PCDHGA12: variants seen among roughly 807,000 people sequenced by gnomAD.
PCDHGA12 encodes the protein protocadherin gamma subfamily A, 12.
A neutral mutation model predicts 61.1 loss-of-function variants in PCDHGA12; 43 were observed. That is an observed-to-expected ratio of 0.70 (90% confidence interval 0.55 to 0.91). PCDHGA12 has a LOEUF of 0.91. Among genes scored for constraint, PCDHGA12 ranks in the 40% least tolerant of loss-of-function variants. PCDHGA12 has a pLI of 0.00. For synonymous variants in PCDHGA12, 520 were observed against 542.9 expected (o/e 0.96, Z 0.59); for missense variants, 1,236 against 1,227.7 (o/e 1.01, Z -0.10).
At chr5:141,475,996 G>T (rs2099383729) in intron 1 of PCDHGA12, 4 of 1,181,402 alleles carry the variant, frequency 3.4e-6, no homozygotes, top group Non-Finnish European at 3.5e-6. Flanking sequence ...GCAAATCAAC[G>T]GCATCCAGAA....
At chr5:141,475,543 G>A (rs1161883598) in intron 1 of PCDHGA12, among the ~76,000 whole-genome samples, 1 of 152,196 alleles carries the variant, frequency 6.6e-6, no homozygotes, top group African/African-American at 2.4e-5. Flanking sequence ...TACAAGTAGG[G>A]TCCGGCTAAT....
chr5:141,474,961 AATC>A (rs2099357151), intron 1 of PCDHGA12, among the ~76,000 whole-genome samples: 1 of 152,254 alleles, frequency 6.6e-6, no homozygotes, highest in African/African-American at 2.4e-5. Flanking sequence ...TCACTATCCT[AATC>A]ATTATAATTT....
chr5:141,466,933 C>A (rs1305734739), intron 1 of PCDHGA12, among the ~76,000 whole-genome samples: 1 of 152,100 alleles, frequency 6.6e-6, no homozygotes, highest in Non-Finnish European at 1.5e-5. Context: ...GAATATTAGT[C>A]CTTTGTCCAG....
intron 1 of PCDHGA12, among the ~76,000 whole-genome samples, chr5:141,435,500 A>G (rs896915416): frequency 6.6e-6 from 1 of 152,176 alleles, no homozygotes; most frequent in African/African-American, 2.4e-5. Context: ...TCCTACACTA[A>G]TGATACTAAT....
chr5:141,460,511 A>G (rs533913282), intron 1 of PCDHGA12, among the ~76,000 whole-genome samples: 2 of 152,286 alleles, frequency 1.3e-5, no homozygotes, highest in Admixed American at 1.3e-4. Context: ...TGAGAAGGCT[A>G]TCTTTTCCCC....
rs1246198657 is a variant in PCDHGA12 at position 141,505,401 on chromosome 5, A to T, written c.2492A>T (p.Asn831Ile). The change falls in exon 3 of 4, where the codon AAT (asparagine) becomes ATT (isoleucine). Residue 831 changes from asparagine (N) to isoleucine (I), a missense_variant. By Grantham distance (149) the Asn-to-Ile change is moderately radical (BLOSUM62 -3). Transcript: ENST00000252085. Reference protein sequence around the residue: ...AQRPGTSGSQNGDDTGTWPNN... With the variant: ...AQRPGTSGSQIGDDTGTWPNN... ...TCCTACTCTCTCCCCAGCTCCCAAA[A>T]TGGCGATGACACCGGCACCTGGCCC... is the stretch of plus-strand genomic sequence containing the variant. The T allele has an allele frequency of 6.2e-7, 1 of 1,614,058 alleles. No individual in the cohort carries two copies. Among genetic ancestry groups the T allele is most frequent in the African/African-American group, 1.3e-5 (1 of 74,922 alleles).
At position 141,494,824 on chromosome 5, in the gene PCDHGA12, G is replaced by C; in HGVS notation, c.2442G>C (p.Thr814=). 6.2e-7 allele frequency: 1 copy of C among 1,614,042 alleles called. No individual in the cohort carries two copies. Among genetic ancestry groups the C allele is most frequent in the East Asian group, 2.2e-5 (1 of 44,866 alleles). The change falls in exon 2 of 4, where the codon ACG becomes ACC. Residue 814 remains threonine, a synonymous_variant. Transcript: ENST00000252085. The part of the protein sequence containing the change: ...HGLIEQAPPN[T]DWRFSQAQRP... ...CTCCACAGCAAGCCCCGCCCAACAC[G>C]GACTGGCGTTTCTCTCAGGCCCAGA...
At position 141,489,562 on chromosome 5, in the gene PCDHGA12, G is replaced by A. The variant is rs770734883; in HGVS notation, c.2425-5245G>A. ...CACCAGCTGCCTGCTGCCAGTGCAG[G>A]TGGTGACTGAACACCCCCTGGAGCT... On this transcript the variant is annotated intron_variant, in intron 1 of 3. Coordinates refer to ENST00000252085, the MANE Select transcript of PCDHGA12 (RefSeq NM_003735.3). The surrounding 1 kb of genome is among the most constrained non-coding windows in gnomAD (Gnocchi z 4.5). 2 of 1,614,114 alleles carry A rather than the reference G, an allele frequency of 1.2e-6. No homozygotes were observed. Among genetic ancestry groups the A allele is most frequent in the Non-Finnish European group, 1.7e-6 (2 of 1,180,028 alleles).
At chr5:141,456,504 T>G (rs781368588) in intron 1 of PCDHGA12, among the ~76,000 whole-genome samples, 1 of 152,148 alleles carries the variant, frequency 6.6e-6, no homozygotes, top group Non-Finnish European at 1.5e-5. Context: ...GGTTAACCAA[T>G]TCCATAAAGA....
Position 141,486,320 on chromosome 5 carries a change from G to A in PCDHGA12, c.2425-8487G>A, listed in dbSNP as rs764851576. The stretch of plus-strand genomic sequence containing the variant: ...GCAGGATCCAGACTCAGGGTCAAAC[G>A]GAGATGTGAGCCTCCGCATTCCTGA... On this transcript the variant is annotated intron_variant, in intron 1 of 3. Coordinates refer to ENST00000252085, the MANE Select transcript of PCDHGA12 (RefSeq NM_003735.3). This position sits in a 1 kb window ranked among gnomAD's most constrained non-coding sequence, Gnocchi z 5.0. The A allele has an allele frequency of 6.2e-7, 1 of 1,614,010 alleles. No individual in the cohort carries two copies. Among genetic ancestry groups the A allele is most frequent in the South Asian group, 1.1e-5 (1 of 91,060 alleles).
chr5:141,447,181 G>T (rs442221), intron 1 of PCDHGA12, among the ~76,000 whole-genome samples: 1 of 152,338 alleles, frequency 6.6e-6, no homozygotes, highest in Admixed American at 6.5e-5. Context: ...CTCTTGTCGC[G>T]CAGGCTGGAG....
chr5:141,438,682 A>G (rs1282726848), intron 1 of PCDHGA12, among the ~76,000 whole-genome samples: 13 of 140,730 alleles, frequency 9.2e-5, no homozygotes, highest in Admixed American at 6.6e-4. Flanking sequence ...GGAGTAGGGG[A>G]TGGAGTCTTG....
chr5:141,461,088 G>A (rs2099008870), intron 1 of PCDHGA12, among the ~76,000 whole-genome samples: 1 of 151,800 alleles, frequency 6.6e-6, no homozygotes, highest in Non-Finnish European at 1.5e-5. Context: ...GAATTGTGCT[G>A]CTATAAACAT....
At chr5:141,498,954 A>G (rs1180380627) in intron 2 of PCDHGA12, among the ~76,000 whole-genome samples, 2 of 134,538 alleles carry the variant, frequency 1.5e-5, no homozygotes, top group Non-Finnish European at 3.2e-5. Context: ...AGAAAAAGAG[A>G]GAGAGGGAGG....
intron 1 of PCDHGA12, among the ~76,000 whole-genome samples, chr5:141,438,788 A>G (rs1024095720): frequency 3.3e-5 from 5 of 149,742 alleles, no homozygotes; most frequent in Non-Finnish European, 7.4e-5. Flanking sequence ...CAGCCTCTCC[A>G]GTAGCTGGGA....
rs757755103 is a variant in PCDHGA12 at position 141,432,638 on chromosome 5, C to A, written c.1879C>A (p.Arg627Ser). The change falls in exon 1 of 4, where the codon CGC becomes AGC. Residue 627 changes from arginine (R) to serine (S), a missense_variant. Arg to Ser is a moderately radical substitution (Grantham distance 110). Coordinates refer to ENST00000252085, the MANE Select transcript of PCDHGA12 (RefSeq NM_003735.3). The surrounding 1 kb of genome is among the most constrained non-coding windows in gnomAD (Gnocchi z 6.0). ...FSVGLHTGEV[R>S]TARALLDRDA... ...GGTGGGTCTGCACACGGGCGAGGTG[C>A]GCACGGCGCGAGCCCTGCTGGACAG... The A allele has an allele frequency of 6.2e-6, 10 of 1,613,810 alleles. No homozygotes were observed. Among genetic ancestry groups the A allele is most frequent in the African/African-American group, 1.3e-5 (1 of 75,064 alleles).
intron 2 of PCDHGA12, among the ~76,000 whole-genome samples, chr5:141,495,645 C>T (rs2099762719): frequency 6.6e-6 from 1 of 152,208 alleles, no homozygotes; most frequent in South Asian, 2.1e-4. Context: ...CATTTGTCTA[C>T]TTGCATTGAT....
At chr5:141,461,251 A>G (rs925406409) in intron 1 of PCDHGA12, among the ~76,000 whole-genome samples, 1 of 152,156 alleles carries the variant, frequency 6.6e-6, no homozygotes, top group Non-Finnish European at 1.5e-5. Flanking sequence ...TTATATTCCC[A>G]GCAGCAATGT....
rs761704779 is a variant in PCDHGA12 at position 141,486,764 on chromosome 5, C to T, written c.2425-8043C>T. ...CTTTGACTATGAGCAAACCCAGACA[C>T]TGCAGTTTGAGGTGCAGGCCCGGGA... On this transcript the variant is annotated intron_variant, in intron 1 of 3. Transcript: ENST00000252085. This position sits in a 1 kb window ranked among gnomAD's most constrained non-coding sequence, Gnocchi z 5.0. 6.2e-7 allele frequency: 1 copy of T among 1,614,264 alleles called. No homozygotes were observed. The highest frequency in any genetic ancestry group is 2.2e-5 in the East Asian group (1 of 44,880).
Sources: gnomAD v4.1 joint callset for allele counts (sites outside exome capture counted in the v4.1 genomes callset) on GRCh38, gnomAD v4.1.1 for gene constraint, Gnocchi (gnomAD v3.1) non-coding constraint, MANE v1.5 for transcripts, NCBI Gene and HGNC (gene_info 2026-07-23, HGNC 2026-07-21) for gene names.